Variants in PCDHGB5 observed in about 807,000 individuals in gnomAD.
The protein encoded by PCDHGB5 is protocadherin gamma-B5.
A neutral mutation model predicts 62.9 loss-of-function variants in PCDHGB5; 48 were observed. The observed-to-expected ratio is 0.76, with a 90% CI of 0.61 to 0.97. The LOEUF is 0.97. Ranked by LOEUF, PCDHGB5 falls within the 50% of genes least tolerant of loss-of-function variation. The pLI, the probability that PCDHGB5 is intolerant of heterozygous loss-of-function variation, is 0.00. For synonymous variants in PCDHGB5, 474 were observed against 511.2 expected, an observed-to-expected ratio of 0.93 and a Z score of 0.98; for missense variants, 1,118 against 1,198.6, an observed-to-expected ratio of 0.93 and a Z score of 0.99.
rs141095222 is a variant in PCDHGB5, at chr5:141,496,668, C to T, written c.2456+1803C>T. Reference sequence around the variant, plus strand: ...CCCTTCCTTTGACCCCAGCTGTTGTCCTTCTCCCTGCTGGCCTTGCCAACC... The same window carrying T: ...CCCTTCCTTTGACCCCAGCTGTTGTTCTTCTCCCTGCTGGCCTTGCCAACC... On this transcript the variant is annotated intron_variant, in intron 2 of 3. Coordinates refer to ENST00000617380, the MANE Select transcript of PCDHGB5 (RefSeq NM_018925.3). Among the ~76,000 whole-genome samples the T allele has an allele frequency of 1.3e-3, 204 of 152,328 alleles. 1 individual carries two copies. The highest frequency in any genetic ancestry group is 5.6e-3 in the Admixed American group (85 of 15,298).
At chr5:141,459,874 A>G (rs922438277) in intron 1 of PCDHGB5, among the ~76,000 whole-genome samples, 10 of 152,156 alleles carry the variant, frequency 6.6e-5, no homozygotes, top group African/African-American at 2.4e-4. Flanking sequence ...TTCATCTTTA[A>G]CTGAGCTGAA....
chr5:141,479,631 A>G (rs191955216), intron 1 of PCDHGB5: 1 of 152,282 alleles, frequency 6.6e-6, no homozygotes, highest in Non-Finnish European at 1.5e-5. Context: ...TCTCTTTAAC[A>G]ATAACAACAA....
In PCDHGB5 at chr5:141,399,949, A is replaced by G; in HGVS notation, c.1822A>G (p.Ser608Gly). 1 of 1,612,272 alleles carries G rather than the reference A, an allele frequency of 6.2e-7. No homozygotes were observed. Among genetic ancestry groups the G allele is most frequent in the Non-Finnish European group, 8.5e-7 (1 of 1,179,716 alleles). The change falls in exon 1 of 4, where the codon AGC becomes GGC. Residue 608 changes from serine (S) to glycine (G), a missense_variant. Around this residue, in one of 2 missense-constraint regions of PCDHGB5, gnomAD observed 1,034 missense variants for 1,029.1 expected, o/e 1.00. Coordinates refer to ENST00000617380, the MANE Select transcript of PCDHGB5 (RefSeq NM_018925.3). Reference protein sequence around the residue: ...AWLSYHVLQASEPGLFSLGLR... With the variant: ...AWLSYHVLQAGEPGLFSLGLR... ...GCTGTCCTACCACGTGCTGCAGGCT[A>G]GCGAGCCCGGGCTCTTCAGCCTGGG...
chr5:141,402,799 C>A (rs1248030162), intron 1 of PCDHGB5: 2 of 1,061,840 alleles, frequency 1.9e-6, no homozygotes, highest in Non-Finnish European at 2.6e-6. Flanking sequence ...TACACAAAAC[C>A]CGGCAGATAC....
chr5:141,449,718 G>A (rs2098653155), intron 1 of PCDHGB5, among the ~76,000 whole-genome samples: 2 of 150,760 alleles, frequency 1.3e-5, no homozygotes, highest in Admixed American at 6.6e-5. Flanking sequence ...ATTTTTATAT[G>A]ATATGATTTT....
chr5:141,427,807 A>T (rs1443881781), intron 1 of PCDHGB5: 2 of 1,521,932 alleles, frequency 1.3e-6, no homozygotes, highest in East Asian at 2.3e-5. Flanking sequence ...GTGAGCGCAC[A>T]GAGCGGGGTG....
Position 141,486,271 on chromosome 5 carries a change from C to G in PCDHGB5, c.2398-8536C>G, listed in dbSNP as rs143039217. ...CCCTCCCCGAGAGTGCAGAACCTGG[C>G]ACTGTGGTGGCACTTATCAGTGTGC... On this transcript the variant is annotated intron_variant, in intron 1 of 3. Coordinates refer to ENST00000617380, the MANE Select transcript of PCDHGB5 (RefSeq NM_018925.3). The surrounding 1 kb of genome is among the most constrained non-coding windows in gnomAD (Gnocchi z 5.0). 6.2e-7 allele frequency: 1 copy of G among 1,613,968 alleles called. No homozygotes were observed. Among genetic ancestry groups the G allele is most frequent in the African/African-American group, 1.3e-5 (1 of 74,902 alleles).
At position 141,491,458 on chromosome 5, in the gene PCDHGB5, G is replaced by T. The variant is rs867069360; in HGVS notation, c.2398-3349G>T. 1.9e-6 allele frequency: 3 copies of T among 1,613,974 alleles called. No homozygotes were observed. The highest frequency in any genetic ancestry group is 1.6e-4 in the Middle Eastern group (1 of 6,084). On this transcript the variant is annotated intron_variant, in intron 1 of 3. Coordinates refer to ENST00000617380, the MANE Select transcript of PCDHGB5 (RefSeq NM_018925.3). This position sits in a 1 kb window ranked among gnomAD's most constrained non-coding sequence, Gnocchi z 6.9. ...CAGGCGCCAGGACTCACCCTCCCCGGACTTCTATAAGCAGTCCAGCCCCAA... is the reference window on the plus strand; with the variant it reads ...CAGGCGCCAGGACTCACCCTCCCCGTACTTCTATAAGCAGTCCAGCCCCAA...
chr5:141,410,031 AG>A lies in PCDHGB5; in HGVS notation c.2397+9509del, dbSNP rs1303415196. ...GCCTGGCTGTCCTACCACGTGCTGCAGGCCAGTGAGCCCGGACTCTTCAGCC... is the reference window on the plus strand; with the variant it reads ...GCCTGGCTGTCCTACCACGTGCTGCAGCCAGTGAGCCCGGACTCTTCAGCC... On this transcript the variant is annotated intron_variant, in intron 1 of 3. Coordinates refer to ENST00000617380, the MANE Select transcript of PCDHGB5 (RefSeq NM_018925.3). 3.1e-6 allele frequency: 5 copies of A among 1,613,236 alleles called. No homozygotes were observed. In the South Asian group the frequency reaches 5.5e-5, roughly 18 times the overall value.
intron 1 of PCDHGB5, among the ~76,000 whole-genome samples, chr5:141,467,591 T>C (rs765816743): frequency 3.3e-5 from 5 of 152,360 alleles, no homozygotes; most frequent in South Asian, 4.1e-4. Flanking sequence ...ATGCCATTTA[T>C]TAAGCACTTC....
chr5:141,461,591 C>T (rs1368759571), intron 1 of PCDHGB5, among the ~76,000 whole-genome samples: 1 of 152,088 alleles, frequency 6.6e-6, no homozygotes, highest in Non-Finnish European at 1.5e-5. Flanking sequence ...GTTATATTTC[C>T]ATTATAATTT....
chr5:141,460,912 G>GTGTA (rs145509489), intron 1 of PCDHGB5, among the ~76,000 whole-genome samples: 34,285 of 149,232 alleles, frequency 0.23, 4,672 homozygotes, highest in African/African-American at 0.39. Flanking sequence ...ATTCCATGGT[G>GTGTA]TATATATATA....
chr5:141,424,504 G>A (rs1357608806), intron 1 of PCDHGB5: 2 of 152,134 alleles, frequency 1.3e-5, no homozygotes, highest in East Asian at 1.9e-4. Flanking sequence ...TGTATGGAAG[G>A]TTTTTTAATG....
chr5:141,443,938 G>T (rs1330111540), intron 1 of PCDHGB5, among the ~76,000 whole-genome samples: 1 of 152,014 alleles, frequency 6.6e-6, no homozygotes, highest in Non-Finnish European at 1.5e-5. Context: ...CTCACAGCAG[G>T]TTTCCTTATT....
At chr5:141,440,696 A>G (rs2098194818) in intron 1 of PCDHGB5, 1 of 152,210 alleles carries the variant, frequency 6.6e-6, no homozygotes, top group Non-Finnish European at 1.5e-5. Flanking sequence ...AAAGTGACCA[A>G]CAGTGGAAAG....
chr5:141,432,800 C>T lies in PCDHGB5; in HGVS notation c.2397+32276C>T. The T allele has an allele frequency of 6.2e-7, 1 of 1,614,156 alleles. No individual in the cohort carries two copies. The highest frequency in any genetic ancestry group is 8.5e-7 in the Non-Finnish European group (1 of 1,180,008). ...GGCGGACCTCGGCAGCCTCGAGTCT[C>T]CAGCTAACTCTGAAACCTCAGACCT... On this transcript the variant is annotated intron_variant, in intron 1 of 3. Transcript: ENST00000617380. This position sits in a 1 kb window ranked among gnomAD's most constrained non-coding sequence, Gnocchi z 6.0.
At chr5:141,496,262 C>G (rs934511905) in intron 2 of PCDHGB5, among the ~76,000 whole-genome samples, 3 of 152,158 alleles carry the variant, frequency 2.0e-5, no homozygotes, top group African/African-American at 7.2e-5. Flanking sequence ...GAAACTTCAG[C>G]AGAAAGACCT....
rs775312856 is a variant in PCDHGB5, at chr5:141,485,899, C to G, written c.2398-8908C>G. 1.9e-6 allele frequency: 3 copies of G among 1,614,166 alleles called. No homozygotes were observed. Among genetic ancestry groups the G allele is most frequent in the Non-Finnish European group, 2.5e-6 (3 of 1,180,032 alleles). ...ACGTAAACGACAACGCCCCAGCCTT[C>G]CAGCAATCCAGCTACAGGATTAGTG... On this transcript the variant is annotated intron_variant, in intron 1 of 3. Transcript: ENST00000617380. The surrounding 1 kb of genome is among the most constrained non-coding windows in gnomAD (Gnocchi z 5.7).
intron 1 of PCDHGB5, chr5:141,441,954 CA>C (rs1240871171): frequency 3.1e-6 from 1 of 319,488 alleles, no homozygotes; most frequent in Non-Finnish European, 6.0e-6. Flanking sequence ...TGCAGGCCAG[CA>C]AGCCCAGGCT....
Sources: allele counts gnomAD v4.1 joint callset (sites outside exome capture counted in the v4.1 genomes callset), GRCh38; gene constraint gnomAD v4.1.1; regional missense constraint gnomAD v4.1.1; non-coding constraint Gnocchi (gnomAD v3.1); transcripts MANE v1.5; gene names NCBI Gene and HGNC (gene_info 2026-07-23, HGNC 2026-07-21).